The following SLCO1A2 variants were observed in gnomAD, a reference collection of about 807,000 sequenced individuals.
SLCO1A2 encodes OATP-1.
A neutral mutation model predicts 69.0 loss-of-function variants in SLCO1A2; 67 were observed. The ratio of observed to expected loss-of-function variants is 0.97; its 90% CI spans 0.80 to 1.19. The LOEUF (loss-of-function observed/expected upper bound fraction) is 1.19, where lower values mean the gene tolerates loss of function less well. Ranked by LOEUF, SLCO1A2 falls within the 50% of genes most tolerant of loss-of-function variation. SLCO1A2 has a pLI of 0.00. For synonymous variants in SLCO1A2, 260 were observed against 265.9 expected (o/e 0.98, Z 0.22); for missense variants, 787 against 793.7 (o/e 0.99, Z 0.10).
chr12:21,385,814 A>T (rs1333455585), intron 1 of SLCO1A2, among the ~76,000 whole-genome samples: 2 of 152,150 alleles, frequency 1.3e-5, no homozygotes, highest in Admixed American at 6.5e-5. Context: ...ACAGAAACAG[A>T]TTTGTTTTTC....
At chr12:21,372,661 T>A (rs1939882763) in intron 2 of SLCO1A2, among the ~76,000 whole-genome samples, 1 of 152,246 alleles carries the variant, frequency 6.6e-6, no homozygotes, top group African/African-American at 2.4e-5. Flanking sequence ...CTTACAAAGA[T>A]GGCAAATTCA....
chr12:21,404,319 C>G (rs1384086300), intron 1 of SLCO1A2, among the ~76,000 whole-genome samples: 1 of 152,062 alleles, frequency 6.6e-6, no homozygotes, highest in Non-Finnish European at 1.5e-5. Flanking sequence ...TGATGATTTG[C>G]TGCACCTATC....
intron 12 of SLCO1A2, among the ~76,000 whole-genome samples, chr12:21,279,646 G>A (rs1035786112): frequency 6.6e-6 from 1 of 152,100 alleles, no homozygotes; most frequent in Non-Finnish European, 1.5e-5. Flanking sequence ...TCCCAGACAA[G>A]CAAACACTGA....
At chr12:21,287,075 C>T (rs373962970) in intron 12 of SLCO1A2, among the ~76,000 whole-genome samples, 1 of 125,282 alleles carries the variant, frequency 8.0e-6, no homozygotes, top group East Asian at 2.8e-4. Flanking sequence ...GAACAGGCAA[C>T]CTACAAAATG....
intron 1 of SLCO1A2, among the ~76,000 whole-genome samples, chr12:21,401,116 G>A (rs1941687718): frequency 6.6e-6 from 1 of 151,454 alleles, no homozygotes; most frequent in African/African-American, 2.4e-5. Flanking sequence ...GGTATTTCTT[G>A]CATTAGCTAA....
chr12:21,357,468 C>A (rs572809769), intron 2 of SLCO1A2, among the ~76,000 whole-genome samples: 14 of 152,354 alleles, frequency 9.2e-5, no homozygotes, highest in African/African-American at 2.6e-4. Context: ...GCCTCCAGAA[C>A]TGTGAAACTA....
In SLCO1A2 at chr12:21,310,386, G is replaced by C. The variant is rs372815990; in HGVS notation, c.336-3398C>G. On this transcript the variant is annotated intron_variant, in intron 4 of 14. Transcript: ENST00000683939. The stretch of plus-strand genomic sequence containing the variant: ...AATTGAAAATGTTTTATTGCTAAAA[G>C]ATGCTAACAATCATCTGAGCCTTCA... 1.5e-3 allele frequency among the ~76,000 whole-genome samples: 221 copies of C among 152,332 alleles called. 7 individuals are homozygous for C. The South Asian group carries it at 0.045, about 31-fold the overall frequency.
At chr12:21,360,413 A>T (rs779049911) in intron 2 of SLCO1A2, among the ~76,000 whole-genome samples, 40 of 152,338 alleles carry the variant, frequency 2.6e-4, no homozygotes, top group Non-Finnish European at 4.9e-4. Context: ...TCCAATAAGA[A>T]ATATAAACAT....
intron 1 of SLCO1A2, among the ~76,000 whole-genome samples, chr12:21,417,405 T>A (rs779732876): frequency 6.7e-6 from 1 of 149,678 alleles, no homozygotes; most frequent in Non-Finnish European, 1.5e-5. Context: ...TTAAGTTACA[T>A]CTTTCATAGT....
chr12:21,343,456 C>T (rs927449077), intron 2 of SLCO1A2, among the ~76,000 whole-genome samples: 2 of 152,050 alleles, frequency 1.3e-5, no homozygotes, highest in Admixed American at 6.6e-5. Context: ...CTTGCAGGAC[C>T]TTCTTTCTTG....
intron 3 of SLCO1A2, among the ~76,000 whole-genome samples, chr12:21,314,942 C>T (rs184388138): frequency 1.1e-4 from 16 of 152,172 alleles, no homozygotes; most frequent in African/African-American, 1.9e-4. Flanking sequence ...GAAGAGAAGC[C>T]GGTGAAAGGG....
intron 2 of SLCO1A2, among the ~76,000 whole-genome samples, chr12:21,370,382 G>A (rs1448191134): frequency 6.6e-6 from 1 of 151,616 alleles, no homozygotes; most frequent in Non-Finnish European, 1.5e-5. Context: ...ATAACGTGCA[G>A]GTTTGTTACA....
intron 2 of SLCO1A2, among the ~76,000 whole-genome samples, chr12:21,344,709 A>C (rs546567789): frequency 6.6e-6 from 1 of 151,072 alleles, no homozygotes; most frequent in South Asian, 2.1e-4. Flanking sequence ...TAAAGGAAAC[A>C]TATGAATTAA....
At chr12:21,390,795 G>A (rs1941113514) in intron 1 of SLCO1A2, among the ~76,000 whole-genome samples, 1 of 152,032 alleles carries the variant, frequency 6.6e-6, no homozygotes. Flanking sequence ...TATCCACATA[G>A]CATATAAAAA....
At chr12:21,273,844 T>C (rs1048695694) in intron 14 of SLCO1A2, 2 of 152,196 alleles carry the variant, frequency 1.3e-5, no homozygotes, top group African/African-American at 4.8e-5. Flanking sequence ...GGTAAATTGT[T>C]TTATATTGAA....
intron 1 of SLCO1A2, among the ~76,000 whole-genome samples, chr12:21,384,835 G>C (rs906009618): frequency 1.3e-5 from 2 of 148,934 alleles, no homozygotes; most frequent in African/African-American, 5.0e-5. Context: ...GCGCGATCTC[G>C]GCTCACTTCA....
In SLCO1A2 at chr12:21,314,560, G is replaced by T; in HGVS notation, c.324C>A (p.Phe108Leu). ...LGCFLKSLPH[F>L]LMNQYEYEST... ...ACTGGAGTACTTACTGGTTCATGAG[G>T]AAATGAGGTAGTGATTTTAAGAAAC... The change falls in exon 4 of 15, where the codon TTC becomes TTA. Residue 108 changes from phenylalanine (F) to leucine (L), a missense_variant. Physicochemically the swap from Phe to Leu is conservative, Grantham distance 22. Coordinates refer to ENST00000683939, the MANE Select transcript of SLCO1A2 (RefSeq NM_001386879.1). 1.2e-6 allele frequency: 2 copies of T among 1,614,056 alleles called. No homozygotes were observed. Among genetic ancestry groups the T allele is most frequent in the Non-Finnish European group, 1.7e-6 (2 of 1,179,964 alleles).
chr12:21,323,839 T>C (rs1264874420), intron 2 of SLCO1A2, among the ~76,000 whole-genome samples: 1 of 152,196 alleles, frequency 6.6e-6, no homozygotes, highest in Non-Finnish European at 1.5e-5. Context: ...TTGGATGATC[T>C]GAACTAATTC....
intron 3 of SLCO1A2, among the ~76,000 whole-genome samples, chr12:21,315,269 C>G (rs1350801007): frequency 6.6e-6 from 1 of 152,130 alleles, no homozygotes; most frequent in Non-Finnish European, 1.5e-5. Flanking sequence ...TAGACCCCCA[C>G]TTCTACTCAG....
Sources: gnomAD v4.1 joint callset for allele counts (sites outside exome capture counted in the v4.1 genomes callset) on GRCh38, gnomAD v4.1.1 for gene constraint, MANE v1.5 for transcripts, NCBI Gene and HGNC (gene_info 2026-07-23, HGNC 2026-07-21) for gene names.